Variants in COPS2 observed in about 807,000 individuals in gnomAD.
COPS2 encodes the protein COP9 signalosome complex subunit 2.
Under a neutral mutation model 66.1 loss-of-function variants are expected in COPS2, and 10 were observed. The ratio of observed to expected loss-of-function variants is 0.15; its 90% CI spans 0.09 to 0.26. COPS2 has a LOEUF of 0.26. COPS2 is among the 10% of genes least tolerant of loss of function. The pLI is 1.00. For synonymous variants in COPS2, 179 were observed against 171.3 expected, an observed-to-expected ratio of 1.04 and a Z score of -0.35; for missense variants, 215 against 513.3, an observed-to-expected ratio of 0.42 and a Z score of 5.62.
In COPS2 at chr15:49,127,831, C is replaced by T; in HGVS notation, c.*119G>A. Reference sequence around the variant, plus strand: ...CAGTTGATCAAAAAAGCACTTCTGCCATAACTCCAATAATTTTCAGGACAC... The same window carrying T: ...CAGTTGATCAAAAAAGCACTTCTGCTATAACTCCAATAATTTTCAGGACAC... On this transcript the variant is annotated 3_prime_UTR_variant, in exon 13 of 13. Transcript: ENST00000388901. The T allele has an allele frequency of 9.3e-7, 1 of 1,069,894 alleles. No homozygotes were observed. The highest frequency in any genetic ancestry group is 2.5e-5 in the East Asian group (1 of 40,038). 66.3% of individuals were successfully genotyped at this position (1,069,894 alleles called of 1,614,324 possible). A position where few individuals can be genotyped will look rare whatever the true frequency, so the allele number is the denominator to read the frequency against.
At chr15:49,144,823 T>C in intron 2 of COPS2, 142 bp downstream of exon 2, 2 of 524,058 alleles carry the variant, frequency 3.8e-6, no homozygotes, top group Non-Finnish European at 6.6e-6. Context: ...TTTGAAACAC[T>C]TGCTTGTGCT....
chr15:49,140,155 T>A (rs1381434453), intron 3 of COPS2, among the ~76,000 whole-genome samples: 1 of 151,710 alleles, frequency 6.6e-6, no homozygotes, highest in African/African-American at 2.4e-5. Flanking sequence ...CCGGGCTAAT[T>A]TTGTATTTTT....
In COPS2 at chr15:49,137,318, A is replaced by G. The variant is rs751817513; in HGVS notation, c.462+30T>C. ...ATTAAAAACACCCACCCACTTTTCA[A>G]AAGAAAAGTGTAAGTATTATAACGG... On this transcript the variant is annotated intron_variant, in intron 5 of 12. Transcript: ENST00000388901. 1.4e-5 allele frequency: 22 copies of G among 1,548,750 alleles called. No individual in the cohort carries two copies. In the Admixed American group the frequency reaches 2.1e-4, roughly 15 times the overall value.
In COPS2 at chr15:49,127,374, G is replaced by A. The variant is rs1242693191; in HGVS notation, c.*576C>T. 6.6e-6 allele frequency: 1 copy of A among 152,582 alleles called. No homozygotes were observed. The highest frequency in any genetic ancestry group is 1.5e-5 in the Non-Finnish European group (1 of 68,026). 9.5% of individuals were successfully genotyped at this position (152,582 alleles called of 1,614,324 possible). On this transcript the variant is annotated 3_prime_UTR_variant, in exon 13 of 13. Transcript: ENST00000388901. ...ATTTCTGAGCTGCACTGTTTATTTT[G>A]CTGCTTGAAACCTAAGTGACAGTAT...
intron 9 of COPS2, among the ~76,000 whole-genome samples, chr15:49,133,240 G>A (rs60724641): frequency 0.082 from 12,510 of 152,014 alleles, 652 homozygotes; most frequent in Middle Eastern, 0.16. Flanking sequence ...CACCCGCCTT[G>A]GCCTCCCAAA....
At chr15:49,134,547 T>C (rs904738475) in intron 6 of COPS2, 33 bp from the exon 7 acceptor site, 13 of 1,517,606 alleles carry the variant, frequency 8.6e-6, no homozygotes, top group African/African-American at 5.5e-5. Flanking sequence ...TTAGACAAGA[T>C]AGAATTCAGA....
intron 3 of COPS2, among the ~76,000 whole-genome samples, chr15:49,140,723 A>T (rs917378241): frequency 2.0e-5 from 3 of 152,102 alleles, no homozygotes; most frequent in Non-Finnish European, 4.4e-5. Context: ...AATTGCTGTT[A>T]ACCTCTCTTT....
At chr15:49,133,706 C>A in intron 9 of COPS2, 53 bp downstream of exon 9, 1 of 1,279,400 alleles carries the variant, frequency 7.8e-7, no homozygotes. Context: ...CTCACTCTTT[C>A]CTTTATGAAC....
intron 1 of COPS2, among the ~76,000 whole-genome samples, chr15:49,149,853 C>T (rs2084346329): frequency 6.6e-6 from 1 of 152,114 alleles, no homozygotes; most frequent in African/African-American, 2.4e-5. Context: ...GTTTCATTAT[C>T]CTTAAAAACC....
rs779570696 is a variant in COPS2, at chr15:49,127,903, A to T, written c.*47T>A. On this transcript the variant is annotated 3_prime_UTR_variant, in exon 13 of 13. Transcript: ENST00000388901. ...CATTCCCAGTTCTTTTAAGGATTAC[A>T]TCTCTGCACTGTTGCCTTAAGGACG... The T allele has an allele frequency of 1.1e-5, 17 of 1,576,536 alleles. No homozygotes were observed. In the Admixed American group the frequency reaches 3.0e-4, roughly 28 times the overall value.
rs1268138380 is a variant in COPS2 at position 49,139,547 on chromosome 15, T to C, written c.353A>G (p.Tyr118Cys). Residue 118 changes from tyrosine (Y) to cysteine (C), a missense_variant, in exon 4 of 13, where the codon TAT becomes TGT. Tyr to Cys is a radical substitution (Grantham distance 194). Around this residue, in one of 5 missense-constraint regions of COPS2, gnomAD observed 90 missense variants for 225.1 expected, o/e 0.40. Transcript: ENST00000388901. ...SEKSINSILD[Y>C]ISTSKQMDLL... ...TCTAACCTGTTTAGAAGTAGAGATA[T>C]AATCAAGAATAGAATTAATGGATTT... 1.3e-6 allele frequency: 2 copies of C among 1,596,222 alleles called. No homozygotes were observed. The highest frequency in any genetic ancestry group is 1.3e-5 in the African/African-American group (1 of 74,456).
At chr15:49,135,802 T>C (rs1311529312) in intron 6 of COPS2, among the ~76,000 whole-genome samples, 1 of 152,226 alleles carries the variant, frequency 6.6e-6, no homozygotes, top group Non-Finnish European at 1.5e-5. Flanking sequence ...GTATCCTGCA[T>C]CTTTCCCTGA....
intron 9 of COPS2, 106 bp from the exon 10 acceptor site, chr15:49,130,922 A>G (rs1188067697): frequency 1.8e-6 from 1 of 543,282 alleles, no homozygotes; most frequent in Non-Finnish European, 3.3e-6. Flanking sequence ...AAAAATCTAA[A>G]TAATATTATA....
At position 49,155,552 on chromosome 15, in the gene COPS2, C is replaced by G; in HGVS notation, c.27G>C (p.Met9Ile). MSDMEDDF[M>I]CDDEEDYDLE... ...GGTCGTAGTCCTCCTCATCATCGCACATGAAATCATCCTCCATGTCAGACA... is the reference window on the plus strand; with the variant it reads ...GGTCGTAGTCCTCCTCATCATCGCAGATGAAATCATCCTCCATGTCAGACA... The change falls in exon 1 of 13, where the codon ATG becomes ATC. Residue 9 changes from methionine to isoleucine, a missense_variant. Met to Ile is a conservative substitution (Grantham distance 10). This residue lies in a region of COPS2 where 27 missense variants were observed against 21.5 expected (regional missense o/e 1.25). Coordinates refer to ENST00000388901, the MANE Select transcript of COPS2 (RefSeq NM_004236.4). The G allele has an allele frequency of 6.2e-7, 1 of 1,614,238 alleles. No homozygotes were observed. The highest frequency in any genetic ancestry group is 8.5e-7 in the Non-Finnish European group (1 of 1,180,034).
intron 3 of COPS2, 58 bp from the exon 4 acceptor site, chr15:49,139,711 CAT>C (rs765019240): frequency 9.2e-6 from 12 of 1,309,134 alleles, no homozygotes; most frequent in African/African-American, 1.5e-5. Flanking sequence ...AATATGTACA[CAT>C]GATTAAGGTT....
chr15:49,150,645 A>G (rs1309659911), intron 1 of COPS2, among the ~76,000 whole-genome samples: 1 of 152,164 alleles, frequency 6.6e-6, no homozygotes, highest in East Asian at 1.9e-4. Flanking sequence ...TTCCTACCCA[A>G]CTAATGCAGG....
intron 4 of COPS2, among the ~76,000 whole-genome samples, chr15:49,138,896 A>G (rs995234970): frequency 1.3e-5 from 2 of 152,238 alleles, no homozygotes; most frequent in African/African-American, 2.4e-5. Context: ...TACTGCTTAC[A>G]AGGATAAGGA....
chr15:49,124,059 T>C lies in COPS2; in HGVS notation c.*3891A>G, dbSNP rs1595817185. On this transcript the variant is annotated 3_prime_UTR_variant, in exon 13 of 13. Transcript: ENST00000388901. ...CCTCCAATTTGTCTTCGTTACGAAATTTCTGCCAAATTCCTGCTTAAAACT... is the reference window on the plus strand; with the variant it reads ...CCTCCAATTTGTCTTCGTTACGAAACTTCTGCCAAATTCCTGCTTAAAACT... The C allele has an allele frequency of 6.6e-6, 1 of 152,320 alleles. No individual in the cohort carries two copies. The highest frequency in any genetic ancestry group is 1.9e-4 in the East Asian group (1 of 5,178). The allele number at this position is 152,320 out of a possible 1,614,324, so 9.4% of individuals were successfully genotyped here. A position where few individuals can be genotyped will look rare whatever the true frequency, so the allele number is the denominator to read the frequency against.
chr15:49,140,733 T>G (rs1415270668), intron 3 of COPS2, among the ~76,000 whole-genome samples: 1 of 152,158 alleles, frequency 6.6e-6, no homozygotes, highest in Non-Finnish European at 1.5e-5. Context: ...AACCTCTCTT[T>G]TTACTGAGTT....
Sources: allele counts gnomAD v4.1 joint callset (sites outside exome capture counted in the v4.1 genomes callset), GRCh38; gene constraint gnomAD v4.1.1; regional missense constraint gnomAD v4.1.1; transcripts MANE v1.5; gene names NCBI Gene and HGNC (gene_info 2026-07-23, HGNC 2026-07-21).